STPG2: variants seen among roughly 807,000 people sequenced by gnomAD.
The protein encoded by STPG2 is sperm-tail PG-rich repeat-containing protein 2.
Under a neutral mutation model 54.2 loss-of-function variants are expected in STPG2, and 56 were observed. The ratio of observed to expected loss-of-function variants is 1.03; its 90% CI spans 0.83 to 1.29. The LOEUF (loss-of-function observed/expected upper bound fraction) is 1.29. Ranked by LOEUF, STPG2 falls within the 50% of genes most tolerant of loss-of-function variation. The pLI, the probability that STPG2 is intolerant of heterozygous loss-of-function variation, is 0.00. For missense variants in STPG2, 596 were observed against 544.9 expected (o/e 1.09, Z -0.93); for synonymous variants, 200 against 181.8 (o/e 1.10, Z -0.81).
chr4:97,666,866 A>G (rs1445105225), intron 10 of STPG2, among the ~76,000 whole-genome samples: 3 of 152,132 alleles, frequency 2.0e-5, no homozygotes, highest in African/African-American at 7.2e-5. Context: ...ATGTCAGCTC[A>G]TTTCATCCAC....
At chr4:97,730,940 T>C (rs1724775995) in intron 9 of STPG2, among the ~76,000 whole-genome samples, 1 of 152,222 alleles carries the variant, frequency 6.6e-6, no homozygotes, top group South Asian at 2.1e-4. Context: ...GGATTGAATT[T>C]CAACTTTTTC....
chr4:97,998,899 T>G (rs776800565), intron 5 of STPG2, among the ~76,000 whole-genome samples: 2 of 152,208 alleles, frequency 1.3e-5, no homozygotes, highest in Non-Finnish European at 2.9e-5. Context: ...ACAGAAAGCA[T>G]GTCCTGTTAT....
At chr4:97,935,460 T>C (rs1006392452) in intron 8 of STPG2, among the ~76,000 whole-genome samples, 2 of 152,196 alleles carry the variant, frequency 1.3e-5, no homozygotes, top group Non-Finnish European at 2.9e-5. Context: ...CTAGTTGCTT[T>C]ATTTGTAATG....
chr4:97,739,956 A>T (rs1160507912), intron 9 of STPG2, among the ~76,000 whole-genome samples: 1 of 152,024 alleles, frequency 6.6e-6, no homozygotes, highest in Non-Finnish European at 1.5e-5. Flanking sequence ...TTGATGCAAA[A>T]ATCCTCAATA....
intron 8 of STPG2, among the ~76,000 whole-genome samples, chr4:97,919,878 T>C (rs1335131243): frequency 6.6e-6 from 1 of 152,152 alleles, no homozygotes; most frequent in Non-Finnish European, 1.5e-5. Context: ...GCATTCCCTG[T>C]CTATAACTTT....
At chr4:97,723,103 C>T (rs3974902) in intron 9 of STPG2, among the ~76,000 whole-genome samples, 66,227 of 151,432 alleles carry the variant, frequency 0.44, 15,218 homozygotes, top group South Asian at 0.58. Flanking sequence ...TGAGCCACCG[C>T]GCCCGGCCGA....
At chr4:97,837,795 A>G (rs531045557) in intron 9 of STPG2, among the ~76,000 whole-genome samples, 1 of 151,790 alleles carries the variant, frequency 6.6e-6, no homozygotes, top group East Asian at 1.9e-4. Flanking sequence ...AATAATTTGA[A>G]ATAAATACAT....
chr4:97,641,008 T>C (rs1268025299), intron 10 of STPG2, among the ~76,000 whole-genome samples: 1 of 151,630 alleles, frequency 6.6e-6, no homozygotes, highest in Non-Finnish European at 1.5e-5. Context: ...ATATATAATG[T>C]CTATGTGAAA....
chr4:97,858,311 C>A (rs1729397078), intron 8 of STPG2, among the ~76,000 whole-genome samples: 1 of 151,938 alleles, frequency 6.6e-6, no homozygotes, highest in Non-Finnish European at 1.5e-5. Context: ...AGAAAAAAAA[C>A]AAATAACATA....
At chr4:98,092,511 T>C (rs1738722514) in intron 5 of STPG2, among the ~76,000 whole-genome samples, 1 of 152,030 alleles carries the variant, frequency 6.6e-6, no homozygotes, top group Non-Finnish European at 1.5e-5. Flanking sequence ...CTAACAATGA[T>C]AAGGAAGAAA....
intron 4 of STPG2, among the ~76,000 whole-genome samples, chr4:97,553,844 C>G (rs974628874): frequency 1.3e-5 from 2 of 152,086 alleles, no homozygotes; most frequent in Non-Finnish European, 2.9e-5. Flanking sequence ...ATTTGCAAAC[C>G]GAACCTCATG....
At position 98,074,132 on chromosome 4, in the gene STPG2, TTTAGA is replaced by T. The variant is rs2110110131; in HGVS notation, c.612+31816_612+31820del. ...GAAATTACTTTGCCTGTTATAGTTC[TTTAGA>T]TTACTTTATTAAAATGTAATTCATG... On this transcript the variant is annotated intron_variant, in intron 5 of 10. Transcript: ENST00000295268. Among the ~76,000 whole-genome samples the T allele has an allele frequency of 2.6e-5, 4 of 152,344 alleles. No individual in the cohort carries two copies. The East Asian group carries it at 5.8e-4, about 22-fold the overall frequency.
intron 2 of STPG2, 35 bp from the exon 3 acceptor site, chr4:98,128,627 G>A (rs1739899437): frequency 3.4e-6 from 5 of 1,476,082 alleles, no homozygotes; most frequent in East Asian, 2.4e-5. Flanking sequence ...TTTATTCCAA[G>A]GCAAGAGGAA....
rs766938638 is a variant in STPG2, at chr4:98,109,216, A to C, written c.477T>G (p.Gly159=). The change falls in exon 4 of 11, where the codon GGT becomes GGG. Residue 159 remains glycine, a synonymous_variant. Coordinates refer to ENST00000295268, the MANE Select transcript of STPG2 (RefSeq NM_174952.3). ...ACTGGACTATATCATACTGTCCTGG[A>C]CCAGGACCTGACTTTTTAGGTAACT... ...RQELPKKSGP[G]PGQYDIVQKK... is the part of the protein sequence containing the mutation. 3 of 1,609,964 alleles carry C rather than the reference A, an allele frequency of 1.9e-6. No homozygotes were observed. Among genetic ancestry groups the C allele is most frequent in the Non-Finnish European group, 2.5e-6 (3 of 1,177,362 alleles).
intron 4 of STPG2, among the ~76,000 whole-genome samples, chr4:97,476,079 A>T (rs1389514603): frequency 6.6e-6 from 1 of 152,144 alleles, no homozygotes; most frequent in Non-Finnish European, 1.5e-5. Flanking sequence ...GCATTTAGTA[A>T]ATTTGTTAAA....
At chr4:97,860,414 T>C (rs1159972552) in intron 8 of STPG2, among the ~76,000 whole-genome samples, 1 of 152,018 alleles carries the variant, frequency 6.6e-6, no homozygotes, top group Non-Finnish European at 1.5e-5. Flanking sequence ...CAGCAGTGTT[T>C]TGTAGTTTAC....
intron 9 of STPG2, among the ~76,000 whole-genome samples, chr4:97,729,063 T>TTCCCTCTCTCTCTCTCTCTCTCTCTC (rs1724711530): frequency 8.0e-6 from 1 of 124,844 alleles, no homozygotes; most frequent in African/African-American, 2.8e-5. Flanking sequence ...CCCCAAGAAT[T>TTCCCTCTCTCTCTCTCTCTCTCTCTC]TCTCTCTCTC....
At chr4:97,764,425 T>C (rs1725981310) in intron 9 of STPG2, among the ~76,000 whole-genome samples, 1 of 152,196 alleles carries the variant, frequency 6.6e-6, no homozygotes, top group Admixed American at 6.5e-5. Flanking sequence ...CTATTGTATT[T>C]GATACACTCA....
intron 5 of STPG2, among the ~76,000 whole-genome samples, chr4:98,099,624 A>T (rs995652607): frequency 3.9e-5 from 6 of 152,136 alleles, no homozygotes; most frequent in Admixed American, 6.6e-5. Context: ...TAGAGAATAC[A>T]ATTTGATTGT....
Sources: gnomAD v4.1 joint callset for allele counts (sites outside exome capture counted in the v4.1 genomes callset) on GRCh38, gnomAD v4.1.1 for gene constraint, MANE v1.5 for transcripts, NCBI Gene and HGNC (gene_info 2026-07-23, HGNC 2026-07-21) for gene names.